The following ANKRD13D variants were observed in gnomAD, a reference collection of about 807,000 sequenced individuals.
The protein encoded by ANKRD13D is ankyrin repeat domain 13D.
Under a neutral mutation model 68.8 loss-of-function variants are expected in ANKRD13D, and 24 were observed. That is an observed-to-expected ratio of 0.35 (90% CI 0.25 to 0.49). The LOEUF (loss-of-function observed/expected upper bound fraction) is 0.49, where lower values mean the gene tolerates loss of function less well. Among genes scored for constraint, ANKRD13D ranks in the 20% least tolerant of loss-of-function variants. ANKRD13D has a pLI of 0.99. For missense variants in ANKRD13D, 735 were observed against 832.1 expected (o/e 0.88, Z 1.44); for synonymous variants, 331 against 336.1 (o/e 0.98, Z 0.16).
At chr11:67,290,519 C>T (rs1213828198) in intron 3 of ANKRD13D, 73 bp downstream of exon 3, 7 of 1,491,608 alleles carry the variant, frequency 4.7e-6, no homozygotes, top group Non-Finnish European at 5.4e-6. Flanking sequence ...CCAGGCCTGG[C>T]CTTGGAAAGG....
chr11:67,301,111 A>G lies in ANKRD13D; in HGVS notation c.1195A>G (p.Thr399Ala). Residue 399 changes from threonine (T) to alanine (A), a missense_variant, in exon 11 of 15, where the codon ACT (threonine) becomes GCT (alanine). Transcript: ENST00000511455. This position sits in a 1 kb window ranked among gnomAD's most constrained non-coding sequence, Gnocchi z 4.5. Reference sequence around the variant, plus strand: ...CTTTGCCAAGCTGCGCGACTTCATCACTCTGCGCCTTCCACCTGGCTTCCC... The same window carrying G: ...CTTTGCCAAGCTGCGCGACTTCATCGCTCTGCGCCTTCCACCTGGCTTCCC... ...AHFAKLRDFI[T>A]LRLPPGFPVK... 1.2e-6 allele frequency: 2 copies of G among 1,613,630 alleles called. No homozygotes were observed. Among genetic ancestry groups the G allele is most frequent in the Non-Finnish European group, 1.7e-6 (2 of 1,179,908 alleles).
Position 67,299,189 on chromosome 11 carries a change from C to G in ANKRD13D, c.798+65C>G. 6.4e-7 allele frequency: 1 copy of G among 1,571,890 alleles called. No homozygotes were observed. The highest frequency in any genetic ancestry group is 8.7e-7 in the Non-Finnish European group (1 of 1,145,908). The stretch of plus-strand genomic sequence containing the variant: ...GAGGTCCAGGAACTCAGCTCCTCTC[C>G]ACATCCATCCCAGAGTAGCCCCTGG... On this transcript the variant is annotated intron_variant, in intron 7 of 14. Coordinates refer to ENST00000511455, the MANE Select transcript of ANKRD13D (RefSeq NM_207354.3). This position sits in a 1 kb window ranked among gnomAD's most constrained non-coding sequence, Gnocchi z 6.2.
In ANKRD13D at chr11:67,299,157, A is replaced by G. The variant is rs746236702; in HGVS notation, c.798+33A>G. The G allele has an allele frequency of 3.3e-6, 5 of 1,527,300 alleles. No homozygotes were observed. Among genetic ancestry groups the G allele is most frequent in the Admixed American group, 1.7e-5 (1 of 59,864 alleles). 94.6% of individuals were successfully genotyped at this position (1,527,300 alleles called of 1,614,324 possible). On this transcript the variant is annotated intron_variant, in intron 7 of 14. Coordinates refer to ENST00000511455, the MANE Select transcript of ANKRD13D (RefSeq NM_207354.3). This position sits in a 1 kb window ranked among gnomAD's most constrained non-coding sequence, Gnocchi z 6.2. ...AGGCTAGGGGTGGGGGGCTGGGGGT[A>G]GGAGATGAGGTCCAGGAACTCAGCT...
chr11:67,289,931 C>G, intron 1 of ANKRD13D, 147 bp from the exon 2 acceptor site: 1 of 1,444,972 alleles, frequency 6.9e-7, no homozygotes, highest in Non-Finnish European at 9.1e-7. Flanking sequence ...CTCTCCCCTG[C>G]CAGGACACGC....
In ANKRD13D at chr11:67,301,504, C is replaced by A; in HGVS notation, c.1365C>A (p.Cys455Ter). Residue 455 changes from cysteine (C) to a stop codon, truncating the protein, a stop_gained, in exon 13 of 15, where the codon TGC (cysteine) becomes TGA (stop). Coordinates refer to ENST00000511455, the MANE Select transcript of ANKRD13D (RefSeq NM_207354.3). LOFTEE classifies it high-confidence loss of function. This position sits in a 1 kb window ranked among gnomAD's most constrained non-coding sequence, Gnocchi z 4.5. ...CCTGCCTAGGGAACCCTTTCCCGTG[C>A]GAGGTGGACCCCACCGTGTTTGAAG... ...AVAASGNPFP[C>*]EVDPTVFEVP... 6.2e-7 allele frequency: 1 copy of A among 1,612,788 alleles called. No individual in the cohort carries two copies. The highest frequency in any genetic ancestry group is 8.5e-7 in the Non-Finnish European group (1 of 1,179,712).
At position 67,299,390 on chromosome 11, in the gene ANKRD13D, C is replaced by A; in HGVS notation, c.799-140C>A. 1 of 790,994 alleles carries A rather than the reference C, an allele frequency of 1.3e-6. No individual in the cohort carries two copies. The highest frequency in any genetic ancestry group is 2.0e-6 in the Non-Finnish European group (1 of 489,090). The allele number at this position is 790,994 out of a possible 1,614,324, so 49.0% of individuals were successfully genotyped here. ...TCCTCGTTGGTGACTTCCTGGGGTT[C>A]AGACCCTGCCACCTCCTCCATTTTG... On this transcript the variant is annotated intron_variant, in intron 7 of 14. Coordinates refer to ENST00000511455, the MANE Select transcript of ANKRD13D (RefSeq NM_207354.3). The surrounding 1 kb of genome is among the most constrained non-coding windows in gnomAD (Gnocchi z 6.2).
Position 67,302,474 on chromosome 11 carries a change from C to G in ANKRD13D, c.*142C>G. Reference sequence around the variant, plus strand: ...GGAGACTGAGATGGAAATAAAGAGACTGTCGCAGCAGGGCTGCTCTGCTCA... The same window carrying G: ...GGAGACTGAGATGGAAATAAAGAGAGTGTCGCAGCAGGGCTGCTCTGCTCA... On this transcript the variant is annotated 3_prime_UTR_variant, in exon 15 of 15. Transcript: ENST00000511455. The G allele has an allele frequency of 1.6e-6, 2 of 1,288,864 alleles. No homozygotes were observed. Among genetic ancestry groups the G allele is most frequent in the African/African-American group, 1.5e-5 (1 of 66,792 alleles). 79.8% of individuals were successfully genotyped at this position (1,288,864 alleles called of 1,614,324 possible). A position where few individuals can be genotyped will look rare whatever the true frequency, so the allele number is the denominator to read the frequency against.
At position 67,289,774 on chromosome 11, in the gene ANKRD13D, T is replaced by G. The variant is rs1860456315; in HGVS notation, c.90+224T>G. 2.1e-6 allele frequency: 3 copies of G among 1,418,814 alleles called. No homozygotes were observed. The Admixed American group carries it at 9.1e-5, about 43-fold the overall frequency. 87.9% of individuals were successfully genotyped at this position (1,418,814 alleles called of 1,614,324 possible). On this transcript the variant is annotated intron_variant, in intron 1 of 14. Transcript: ENST00000511455. ...CCTTGCCCTGCTCGCCCGAACTCGC[T>G]TCCGCATCCTTGCTGACCCAAGCTG...
rs146192337 is a variant in ANKRD13D, at chr11:67,301,645, G to A, written c.1506G>A (p.Ala502=). 420 of 1,612,076 alleles carry A rather than the reference G, an allele frequency of 2.6e-4. No homozygotes were observed. In the African/African-American group the frequency reaches 2.6e-3, roughly 10 times the overall value. ...QQSLLEAGTE[A]EQVTVWEALT... is the part of the protein sequence containing the mutation. ...GCCTGCTTGAAGCGGGCACTGAGGC[G>A]GAGCAGGTGGGACTTGCCCAGGGGG... Residue 502 remains alanine (A), a synonymous_variant, in exon 13 of 15, where the codon GCG becomes GCA. Coordinates refer to ENST00000511455, the MANE Select transcript of ANKRD13D (RefSeq NM_207354.3). This position sits in a 1 kb window ranked among gnomAD's most constrained non-coding sequence, Gnocchi z 4.5.
chr11:67,292,079 ACTG>A lies in ANKRD13D; in HGVS notation c.634_636del (p.Leu212del). 1 of 1,612,012 alleles carries A rather than the reference ACTG, an allele frequency of 6.2e-7. No homozygotes were observed. The highest frequency in any genetic ancestry group is 1.3e-5 in the African/African-American group (1 of 75,030). Reference sequence around the variant, plus strand: ...GGCTCACTCTGCAGGAGCCCGAAACACTGCTGGCCGCCATGCGGCCCAGCGAGG... The same window carrying A: ...GGCTCACTCTGCAGGAGCCCGAAACACTGGCCGCCATGCGGCCCAGCGAGG... On this transcript the variant is annotated inframe_deletion, in exon 6 of 15. Coordinates refer to ENST00000511455, the MANE Select transcript of ANKRD13D (RefSeq NM_207354.3).
intron 3 of ANKRD13D, 150 bp downstream of exon 3, chr11:67,290,596 G>A: frequency 8.1e-7 from 1 of 1,239,492 alleles, no homozygotes; most frequent in Non-Finnish European, 1.1e-6. Context: ...CCCCAGCCCA[G>A]GGTCACGTAG....
rs1176812920 is a variant in ANKRD13D, at chr11:67,289,518, C to T, written c.58C>T (p.Arg20Cys). The change falls in exon 1 of 15, where the codon CGC becomes TGC. Residue 20 changes from arginine (R) to cysteine (C), a missense_variant. Arg to Cys is a radical substitution (Grantham distance 180). Coordinates refer to ENST00000511455, the MANE Select transcript of ANKRD13D (RefSeq NM_207354.3). ...LHRLVWANRH[R>C]ELEAALHSHQ... ...CCGGCTCGTCTGGGCGAACCGGCATCGCGAACTGGAGGCCGCACTGCACAG... is the reference window on the plus strand; with the variant it reads ...CCGGCTCGTCTGGGCGAACCGGCATTGCGAACTGGAGGCCGCACTGCACAG... 1 of 1,522,710 alleles carries T rather than the reference C, an allele frequency of 6.6e-7. No homozygotes were observed. Among genetic ancestry groups the T allele is most frequent in the Non-Finnish European group, 8.8e-7 (1 of 1,142,242 alleles). The allele number at this position is 1,522,710 out of a possible 1,614,324, so 94.3% of individuals were successfully genotyped here.
At position 67,301,896 on chromosome 11, in the gene ANKRD13D, A is replaced by G; in HGVS notation, c.1604+73A>G. 2 of 1,479,318 alleles carry G rather than the reference A, an allele frequency of 1.4e-6. No individual in the cohort carries two copies. Among genetic ancestry groups the G allele is most frequent in the South Asian group, 1.3e-5 (1 of 77,198 alleles). The allele number at this position is 1,479,318 out of a possible 1,614,324, so 91.6% of individuals were successfully genotyped here. ...CTTGGCGGGGAGGGGGATAGCAGGA[A>G]GGTGCTAGGACCCCAGGCCCTCTGC... On this transcript the variant is annotated intron_variant, in intron 14 of 14. Coordinates refer to ENST00000511455, the MANE Select transcript of ANKRD13D (RefSeq NM_207354.3). The surrounding 1 kb of genome is among the most constrained non-coding windows in gnomAD (Gnocchi z 4.5).
In ANKRD13D at chr11:67,289,645, C is replaced by G. The variant is rs1010363378; in HGVS notation, c.90+95C>G. ...AGCCCCCCCCCCCCCCCCGCCCGCT[C>G]AGCTCCGCAGCCACATCCTGGGCCT... is the stretch of plus-strand genomic sequence containing the variant. On this transcript the variant is annotated intron_variant, in intron 1 of 14. Coordinates refer to ENST00000511455, the MANE Select transcript of ANKRD13D (RefSeq NM_207354.3). 32 of 876,106 alleles carry G rather than the reference C, an allele frequency of 3.7e-5. No individual in the cohort carries two copies. In the African/African-American group the frequency reaches 4.4e-4, roughly 12 times the overall value. The allele number at this position is 876,106 out of a possible 1,614,324, so 54.3% of individuals were successfully genotyped here.
chr11:67,296,338 A>AGAGTGT (rs1554970155), intron 6 of ANKRD13D, among the ~76,000 whole-genome samples: 2 of 147,658 alleles, frequency 1.4e-5, no homozygotes, highest in Non-Finnish European at 3.0e-5. Flanking sequence ...TTTGGGCCTG[A>AGAGTGT]GTGTGTGTGT....
At position 67,289,494 on chromosome 11, in the gene ANKRD13D, C is replaced by A; in HGVS notation, c.34C>A (p.Arg12=). 6.6e-7 allele frequency: 1 copy of A among 1,515,486 alleles called. No homozygotes were observed. The highest frequency in any genetic ancestry group is 1.4e-5 in the African/African-American group (1 of 70,096). The allele number at this position is 1,515,486 out of a possible 1,614,324, so 93.9% of individuals were successfully genotyped here. A position where few individuals can be genotyped will look rare whatever the true frequency, so the allele number is the denominator to read the frequency against. The change falls in exon 1 of 15, where the codon CGG becomes AGG. Residue 12 remains arginine (R), a synonymous_variant. Transcript: ENST00000511455. The part of the protein sequence containing the change: ...AGPGPTFPLH[R]LVWANRHREL... ...CCCGGGCCCCACCTTCCCGCTGCAC[C>A]GGCTCGTCTGGGCGAACCGGCATCG...
chr11:67,291,576 C>T (rs2136520422), intron 4 of ANKRD13D, 27 bp from the exon 5 acceptor site: 1 of 1,613,770 alleles, frequency 6.2e-7, no homozygotes, highest in East Asian at 2.2e-5. Flanking sequence ...TTGGAAAGAC[C>T]CCCAGTGACC....
At position 67,291,700 on chromosome 11, in the gene ANKRD13D, C is replaced by T. The variant is rs755492271; in HGVS notation, c.495C>T (p.His165=). 1.2e-6 allele frequency: 2 copies of T among 1,614,120 alleles called. No homozygotes were observed. The highest frequency in any genetic ancestry group is 1.1e-5 in the South Asian group (1 of 91,090). Residue 165 remains histidine, a synonymous_variant, in exon 5 of 15, where the codon CAC becomes CAT. Transcript: ENST00000511455. ...RVDTSLLGFE[H]MTWQRGRRSF... ...ACACCAGTCTCCTGGGCTTCGAGCA[C>T]ATGACCTGGCAGCGGGGCCGGAGGA...
chr11:67,301,713 T>G lies in ANKRD13D; in HGVS notation c.1513-19T>G. ...AGCCACACGGCAGAAGTGACAGCTG[T>G]GGGCTCTGGTGGCTGCAGGTGACCG... is the stretch of plus-strand genomic sequence containing the variant. On this transcript the variant is annotated intron_variant, in intron 13 of 14. Transcript: ENST00000511455. The surrounding 1 kb of genome is among the most constrained non-coding windows in gnomAD (Gnocchi z 4.5). 6.2e-7 allele frequency: 1 copy of G among 1,611,404 alleles called. No individual in the cohort carries two copies. Among genetic ancestry groups the G allele is most frequent in the South Asian group, 1.1e-5 (1 of 90,972 alleles).
Sources: allele counts gnomAD v4.1 joint callset (sites outside exome capture counted in the v4.1 genomes callset), GRCh38; gene constraint gnomAD v4.1.1; non-coding constraint Gnocchi (gnomAD v3.1); transcripts MANE v1.5; gene names NCBI Gene and HGNC (gene_info 2026-07-23, HGNC 2026-07-21).